Variants in CTIF observed in about 807,000 individuals in gnomAD.
CTIF encodes cap binding complex dependent translation initiation factor, also known as CBP80/20-dependent translation initiation factor.
A neutral mutation model predicts 66.0 loss-of-function variants in CTIF; 21 were observed. That is an observed-to-expected ratio of 0.32 (90% CI 0.23 to 0.46). The LOEUF is 0.46. Among genes scored for constraint, CTIF ranks in the 20% least tolerant of loss-of-function variants. The pLI is 1.00. For synonymous variants in CTIF, 345 were observed against 326.4 expected (o/e 1.06, Z -0.62); for missense variants, 739 against 812.7 (o/e 0.91, Z 1.10).
intron 1 of CTIF, among the ~76,000 whole-genome samples, chr18:48,562,350 C>A (rs935448278): frequency 3.9e-5 from 6 of 152,234 alleles, no homozygotes; most frequent in Admixed American, 3.9e-4. Flanking sequence ...TACTAAGTGG[C>A]AAAGGCAAAA....
rs1295009766 is a variant in CTIF, at chr18:48,761,715, C to G, written c.1371+26C>G. On this transcript the variant is annotated intron_variant, in intron 9 of 11. Coordinates refer to ENST00000256413, the MANE Select transcript of CTIF (RefSeq NM_014772.3). The surrounding 1 kb of genome is among the most constrained non-coding windows in gnomAD (Gnocchi z 4.2). ...GTAACTGGACGCCGGCCACCACCGC[C>G]CCGCGCCCCCTGCCCCTCTGCGTTC... The G allele has an allele frequency of 6.3e-7, 1 of 1,591,328 alleles. No individual in the cohort carries two copies. Among genetic ancestry groups the G allele is most frequent in the Admixed American group, 1.7e-5 (1 of 59,300 alleles).
chr18:48,544,049 T>C (rs181106105), intron 1 of CTIF, among the ~76,000 whole-genome samples: 2 of 152,314 alleles, frequency 1.3e-5, no homozygotes, highest in East Asian at 1.9e-4. Context: ...AGGAACCTTT[T>C]GGAAGTGTTT....
chr18:48,697,985 A>G (rs1218222856), intron 6 of CTIF, among the ~76,000 whole-genome samples: 1 of 150,810 alleles, frequency 6.6e-6, no homozygotes, highest in Non-Finnish European at 1.5e-5. Context: ...TGGCTCATGC[A>G]CTCTGGCCTT....
rs1033974686 is a variant in CTIF, at chr18:48,664,516, G to A, written c.396G>A (p.Thr132=). Residue 132 remains threonine (T), a synonymous_variant, in exon 5 of 12, where the codon ACG becomes ACA. Coordinates refer to ENST00000256413, the MANE Select transcript of CTIF (RefSeq NM_014772.3). ...AGTTCCACCGCAAAGTCCGACACAC[G>A]CCCAAGCAGCCCCTGCCACACATCG... is the stretch of plus-strand genomic sequence containing the variant. The part of the protein sequence containing the change: ...FTQFHRKVRH[T]PKQPLPHIDR... 2.5e-6 allele frequency: 4 copies of A among 1,612,944 alleles called. No homozygotes were observed. The highest frequency in any genetic ancestry group is 1.7e-5 in the Admixed American group (1 of 60,024).
intron 1 of CTIF, among the ~76,000 whole-genome samples, chr18:48,545,440 A>G (rs1320340966): frequency 4.6e-5 from 7 of 152,194 alleles, no homozygotes; most frequent in Admixed American, 4.6e-4. Context: ...AACAAGGGCC[A>G]TGCATCTAAG....
At chr18:48,806,086 G>A (rs572199900) in intron 9 of CTIF, among the ~76,000 whole-genome samples, 32 of 148,286 alleles carry the variant, frequency 2.2e-4, no homozygotes, top group Non-Finnish European at 3.7e-4. Context: ...GAGGAGTCCC[G>A]GGGGCTGTGG....
chr18:48,618,140 C>T (rs914170450), intron 1 of CTIF, among the ~76,000 whole-genome samples: 1 of 152,228 alleles, frequency 6.6e-6, no homozygotes, highest in African/African-American at 2.4e-5. Flanking sequence ...CCTTGCCCTG[C>T]TTTGGACTCG....
At chr18:48,616,740 A>G (rs1336820478) in intron 1 of CTIF, among the ~76,000 whole-genome samples, 1 of 152,206 alleles carries the variant, frequency 6.6e-6, no homozygotes. Flanking sequence ...TGCAGCATTC[A>G]TACCCATAGC....
At chr18:48,738,278 G>A (rs546506034) in intron 7 of CTIF, among the ~76,000 whole-genome samples, 4 of 152,178 alleles carry the variant, frequency 2.6e-5, no homozygotes, top group Admixed American at 6.5e-5. Flanking sequence ...GGCTCTCACC[G>A]GGATTACTCC....
chr18:48,624,921 T>C (rs916288943), intron 2 of CTIF, among the ~76,000 whole-genome samples: 1 of 152,254 alleles, frequency 6.6e-6, no homozygotes, highest in Non-Finnish European at 1.5e-5. Context: ...AGCCCTATTT[T>C]GATGCTTTCC....
chr18:48,608,011 G>A (rs960506497), intron 1 of CTIF, among the ~76,000 whole-genome samples: 2 of 152,188 alleles, frequency 1.3e-5, no homozygotes, highest in Non-Finnish European at 2.9e-5. Flanking sequence ...AGTTCTGAGG[G>A]GGAGCCCTCA....
At chr18:48,775,553 G>C (rs912229513) in intron 9 of CTIF, among the ~76,000 whole-genome samples, 1 of 152,246 alleles carries the variant, frequency 6.6e-6, no homozygotes, top group Admixed American at 6.5e-5. Context: ...CCCTGGGACT[G>C]GCCTGGAGGC....
intron 10 of CTIF, among the ~76,000 whole-genome samples, chr18:48,852,233 TAAA>T (rs10591389): frequency 0.17 from 11,102 of 65,720 alleles, 737 homozygotes; most frequent in Middle Eastern, 0.22. Flanking sequence ...GACCCTGTCT[TAAA>T]AAAAAAAAAA....
intron 6 of CTIF, among the ~76,000 whole-genome samples, chr18:48,691,374 A>G (rs891331806): frequency 2.0e-5 from 3 of 152,140 alleles, no homozygotes; most frequent in African/African-American, 4.8e-5. Flanking sequence ...TTTGGGAGAC[A>G]TATTTGCTGA....
rs772897655 is a variant in CTIF at position 48,670,950 on chromosome 18, G to A, written c.507+206G>A. Among the ~76,000 whole-genome samples the A allele has an allele frequency of 7.0e-4, 107 of 152,188 alleles. 2 individuals are homozygous for A. The highest frequency in any genetic ancestry group is 4.1e-4 in the Non-Finnish European group (28 of 68,024). ...TGATCGTGTGTGTGACAGCCTACTC[G>A]GTGATGCTGCAGGCCCTGCTGGCAG... On this transcript the variant is annotated intron_variant, in intron 6 of 11. Coordinates refer to ENST00000256413, the MANE Select transcript of CTIF (RefSeq NM_014772.3).
In CTIF at chr18:48,619,544, C is replaced by T; in HGVS notation, c.-22C>T. 6.7e-7 allele frequency: 1 copy of T among 1,484,796 alleles called. No homozygotes were observed. Among genetic ancestry groups the T allele is most frequent in the Non-Finnish European group, 9.0e-7 (1 of 1,116,252 alleles). 92.0% of individuals were successfully genotyped at this position (1,484,796 alleles called of 1,614,324 possible). A position where few individuals can be genotyped will look rare whatever the true frequency, so the allele number is the denominator to read the frequency against. ...CTGTCCTCTTTCCCACCAGTCCCGG[C>T]CCAGGCCCCTGAGCTGGAGGGATGG... On this transcript the variant is annotated 5_prime_UTR_variant, in exon 2 of 12. Coordinates refer to ENST00000256413, the MANE Select transcript of CTIF (RefSeq NM_014772.3).
chr18:48,605,140 C>G (rs903136123), intron 1 of CTIF, among the ~76,000 whole-genome samples: 1 of 152,078 alleles, frequency 6.6e-6, no homozygotes, highest in Non-Finnish European at 1.5e-5. Flanking sequence ...AGGTATATAC[C>G]TGGAGTGGAA....
chr18:48,817,198 C>A (rs529704872), intron 9 of CTIF, 23 bp from the exon 10 acceptor site: 2 of 1,607,776 alleles, frequency 1.2e-6, no homozygotes, highest in Non-Finnish European at 8.5e-7. Flanking sequence ...GGGAGGCTGA[C>A]GCGGTCTCTC....
rs2069410327 is a variant in CTIF at position 48,859,508 on chromosome 18, G to GC, written c.1752dup (p.Ile585HisfsTer124). On this transcript the variant is annotated frameshift_variant, in exon 12 of 12. Transcript: ENST00000256413. LOFTEE classifies it high-confidence loss of function. ...ACGCTAACAGCTGGAACCCTCTGAC[G>GC]CCCCCCATCACGCAGTACTACAACA... is the stretch of plus-strand genomic sequence containing the variant. 1 of 1,614,118 alleles carries GC rather than the reference G, an allele frequency of 6.2e-7. No homozygotes were observed. Among genetic ancestry groups the GC allele is most frequent in the Non-Finnish European group, 8.5e-7 (1 of 1,180,042 alleles).
Sources: gnomAD v4.1 joint callset for allele counts (sites outside exome capture counted in the v4.1 genomes callset) on GRCh38, gnomAD v4.1.1 for gene constraint, Gnocchi (gnomAD v3.1) non-coding constraint, MANE v1.5 for transcripts, NCBI Gene and HGNC (gene_info 2026-07-23, HGNC 2026-07-21) for gene names.